RPS6KA6: variants seen among roughly 807,000 people sequenced by gnomAD.
RPS6KA6 encodes ribosomal protein S6 kinase alpha-6.
In RPS6KA6, 27 loss-of-function variants were observed where a neutral mutation model predicts 65.4. The observed-to-expected ratio is 0.41, with a 90% confidence interval of 0.30 to 0.57. RPS6KA6 has a LOEUF of 0.57. RPS6KA6 is among the 20% of genes least tolerant of loss of function. The probability of loss-of-function intolerance (pLI) is 0.24; values close to 1 mark genes in which losing one functional copy is unlikely to be tolerated. For missense variants in RPS6KA6, 486 were observed against 555.6 expected (o/e 0.87, Z 1.26); for synonymous variants, 190 against 184.2 (o/e 1.03, Z -0.26).
chrX:84,166,963 T>C lies in RPS6KA6; in HGVS notation c.82-2576A>G, dbSNP rs143653320. Among the ~76,000 whole-genome samples the C allele has an allele frequency of 8.3e-3, 927 of 111,123 alleles. 10 individuals are homozygous for C. The highest frequency in any genetic ancestry group is 0.029 in the African/African-American group (888 of 30,633). On this transcript the variant is annotated intron_variant, in intron 1 of 21. Transcript: ENST00000262752. ...CTGTATTTTCAAGATAAATAATGGC[T>C]GAACATTTCCCAAATTTGAAAAAAA...
At position 84,117,367 on chromosome X, in the gene RPS6KA6, A is replaced by T. The variant is rs1433691687; in HGVS notation, c.860+17T>A. ...GAGATTTTTTTCCCAAAAGAAAAAC[A>T]TACTGTTTACACTTACTTTAATATC... On this transcript the variant is annotated intron_variant, in intron 10 of 21. Coordinates refer to ENST00000262752, the MANE Select transcript of RPS6KA6 (RefSeq NM_014496.5). 7 of 1,041,440 alleles carry T rather than the reference A, an allele frequency of 6.7e-6. No homozygotes were observed. In the South Asian group the frequency reaches 1.5e-4, roughly 23 times the overall value. 85.8% of individuals were successfully genotyped at this position (1,041,440 alleles called of 1,213,427 possible).
At chrX:84,175,989 G>A (rs1217689111) in intron 1 of RPS6KA6, among the ~76,000 whole-genome samples, 1 of 111,454 alleles carries the variant, frequency 9.0e-6, no homozygotes, top group East Asian at 2.8e-4. Flanking sequence ...TTTTAAAAAG[G>A]ACTAGTAGTT....
At chrX:84,078,655 T>C (rs2033714903) in intron 20 of RPS6KA6, among the ~76,000 whole-genome samples, 1 of 111,968 alleles carries the variant, frequency 8.9e-6, no homozygotes. Flanking sequence ...CTCAAAATTA[T>C]TATTAAATAA....
chrX:84,174,290 C>T (rs1270046834), intron 1 of RPS6KA6, among the ~76,000 whole-genome samples: 1 of 111,876 alleles, frequency 8.9e-6, no homozygotes, highest in Non-Finnish European at 1.9e-5. Context: ...AAATGATTTA[C>T]TTTGATCCTT....
At chrX:84,105,909 GCAAA>G (rs759138599) in intron 15 of RPS6KA6, 33 bp from the exon 16 acceptor site, 10 of 804,216 alleles carry the variant, frequency 1.2e-5, no homozygotes, top group Non-Finnish European at 1.8e-5. Flanking sequence ...AATATCTGAG[GCAAA>G]CAAATTATTT....
chrX:84,097,004 T>C (rs971956351), intron 19 of RPS6KA6, among the ~76,000 whole-genome samples: 2 of 111,461 alleles, frequency 1.8e-5, no homozygotes, highest in African/African-American at 6.5e-5. Context: ...CACCAAGCCA[T>C]TAAACAATTT....
chrX:84,059,609 A>G lies in RPS6KA6; in HGVS notation c.*4668T>C, dbSNP rs1037106400. 1.8e-5 allele frequency: 2 copies of G among 111,874 alleles called. No homozygotes were observed. Among genetic ancestry groups the G allele is most frequent in the African/African-American group, 6.5e-5 (2 of 30,793 alleles). The allele number at this position is 111,874 out of a possible 1,213,427, so 9.2% of individuals were successfully genotyped here. A position where few individuals can be genotyped will look rare whatever the true frequency, so the allele number is the denominator to read the frequency against. On this transcript the variant is annotated 3_prime_UTR_variant, in exon 22 of 22. Coordinates refer to ENST00000262752, the MANE Select transcript of RPS6KA6 (RefSeq NM_014496.5). ...AGATAAAAGTAACCTAATCAGTCAC[A>G]TTTTGACAATTTTTTAATAAACGAA...
intron 5 of RPS6KA6, among the ~76,000 whole-genome samples, chrX:84,146,525 C>A (rs2035202384): frequency 9.0e-6 from 1 of 111,509 alleles, no homozygotes; most frequent in Admixed American, 9.6e-5. Flanking sequence ...TCTACTGCTT[C>A]TTACTGGTAG....
intron 11 of RPS6KA6, 103 bp from the exon 12 acceptor site, chrX:84,116,390 A>G (rs927855813): frequency 2.7e-6 from 1 of 376,412 alleles, no homozygotes; most frequent in African/African-American, 2.7e-5. Flanking sequence ...TATTTCATAC[A>G]TTCCTTGAAA....
chrX:84,149,712 T>C (rs1169466141), intron 3 of RPS6KA6, among the ~76,000 whole-genome samples: 3 of 111,472 alleles, frequency 2.7e-5, no homozygotes, highest in Non-Finnish European at 5.7e-5. Context: ...GTGCTGTCAT[T>C]CAGGCTTTGT....
chrX:84,118,032 CA>C (rs779257325), intron 9 of RPS6KA6, among the ~76,000 whole-genome samples: 2 of 110,965 alleles, frequency 1.8e-5, no homozygotes. Flanking sequence ...AACATTTTCT[CA>C]AAGAGAACTG....
intron 20 of RPS6KA6, among the ~76,000 whole-genome samples, chrX:84,081,878 T>C (rs2033807690): frequency 2.7e-5 from 3 of 110,749 alleles, no homozygotes; most frequent in Admixed American, 1.9e-4. Flanking sequence ...AGAAAAGGCC[T>C]TCAACAAAAT....
At chrX:84,150,555 G>A (rs186007737) in intron 3 of RPS6KA6, among the ~76,000 whole-genome samples, 3 of 109,433 alleles carry the variant, frequency 2.7e-5, no homozygotes, top group East Asian at 2.9e-4. Context: ...GGAATAGAGG[G>A]GCCCAAGGAG....
At chrX:84,153,082 T>C (rs1240018590) in intron 3 of RPS6KA6, among the ~76,000 whole-genome samples, 1 of 111,439 alleles carries the variant, frequency 9.0e-6, no homozygotes, top group African/African-American at 3.3e-5. Context: ...TCACACATAT[T>C]TAAATGCTGT....
rs2033300256 is a variant in RPS6KA6, at chrX:84,061,461, C to T, written c.*2816G>A. ...ACAAAAAACACTGTTTTAGACATTG[C>T]TGAGTCTAACAAAATAGGCTGAAGT... On this transcript the variant is annotated 3_prime_UTR_variant, in exon 22 of 22. Transcript: ENST00000262752. The T allele has an allele frequency of 9.0e-6, 1 of 111,652 alleles. No homozygotes were observed. Among genetic ancestry groups the T allele is most frequent in the Non-Finnish European group, 1.9e-5 (1 of 52,975 alleles). The allele number at this position is 111,652 out of a possible 1,213,427, so 9.2% of individuals were successfully genotyped here.
intron 2 of RPS6KA6, among the ~76,000 whole-genome samples, chrX:84,157,605 T>C (rs2035438406): frequency 9.0e-6 from 1 of 110,847 alleles, no homozygotes; most frequent in African/African-American, 3.3e-5. Context: ...ACTCTCTCCT[T>C]CAGTTTTCTC....
chrX:84,067,707 C>T (rs2033436008), intron 20 of RPS6KA6, among the ~76,000 whole-genome samples: 1 of 111,528 alleles, frequency 9.0e-6, no homozygotes, highest in South Asian at 3.8e-4. Flanking sequence ...AGATATCATC[C>T]AGGAGAACTT....
chrX:84,094,308 GAAAAAAAAA>G (rs144397619), intron 20 of RPS6KA6, among the ~76,000 whole-genome samples: 9 of 68,515 alleles, frequency 1.3e-4, no homozygotes, highest in East Asian at 4.5e-4. Context: ...GCCTTAAAGG[GAAAAAAAAA>G]AAAAAAAAAA....
chrX:84,173,570 G>C (rs1304635870), intron 1 of RPS6KA6, among the ~76,000 whole-genome samples: 2 of 112,456 alleles, frequency 1.8e-5, no homozygotes, highest in Non-Finnish European at 3.8e-5. Flanking sequence ...TGCCTGTATA[G>C]AGAATAAAAA....
Sources: allele counts gnomAD v4.1 joint callset (sites outside exome capture counted in the v4.1 genomes callset), GRCh38; gene constraint gnomAD v4.1.1; transcripts MANE v1.5; gene names NCBI Gene and HGNC (gene_info 2026-07-23, HGNC 2026-07-21).